Variants in ADAM8 observed in about 807,000 individuals in gnomAD.
The protein encoded by ADAM8 is disintegrin and metalloproteinase domain-containing protein 8.
ADAM8 carries 104 observed loss-of-function variants against 102.4 expected under a neutral mutation model. The observed-to-expected ratio is 1.02, with a 90% CI of 0.87 to 1.20. ADAM8 has a LOEUF of 1.20. ADAM8 is among the 50% of genes most tolerant of loss of function. The pLI is 0.00. For synonymous variants in ADAM8, 517 were observed against 485.2 expected (o/e 1.07, Z -0.86); for missense variants, 1,132 against 1,159.0 (o/e 0.98, Z 0.34).
rs866868319 is a variant in ADAM8 at position 133,268,107 on chromosome 10, G to T, written c.2075C>A (p.Pro692His). Residue 692 changes from proline to histidine, a missense_variant, in exon 20 of 23, where the codon CCC becomes CAC. By Grantham distance (77) the Pro-to-His change is moderately conservative (BLOSUM62 -2). Coordinates refer to ENST00000445355, the MANE Select transcript of ADAM8 (RefSeq NM_001109.5). ...RSRILSRNVA[P>H]KTTMGRSNPL... Reference sequence around the variant, plus strand: ...GTTGGAGCGCCCCATTGTGGTCTTGGGAGCCACGTTCCTGGGGAGGAAGCA... The same window carrying T: ...GTTGGAGCGCCCCATTGTGGTCTTGTGAGCCACGTTCCTGGGGAGGAAGCA... The T allele has an allele frequency of 5.5e-6, 7 of 1,271,464 alleles. No homozygotes were observed. In the African/African-American group the frequency reaches 9.2e-5, roughly 17 times the overall value. The allele number at this position is 1,271,464 out of a possible 1,614,324, so 78.8% of individuals were successfully genotyped here.
chr10:133,275,442 A>C, intron 2 of ADAM8, 42 bp downstream of exon 2: 1 of 1,429,876 alleles, frequency 7.0e-7, no homozygotes, highest in Non-Finnish European at 9.5e-7. Context: ...AAATAGGCTC[A>C]GGGGCCAGCC....
Position 133,271,282 on chromosome 10 carries a change from C to T in ADAM8, c.1292G>A (p.Arg431Gln), listed in dbSNP as rs773926657. ...QCDCGPPEDC[R>Q]NRCCNSTTCQ... ...GGTGGTAGAGTTGCAGCAGCGGTTC[C>T]GGCAGTCCTGGGGCGACGGCAAAGG... Residue 431 changes from arginine to glutamine, a missense_variant, in exon 13 of 23, where the codon CGG (arginine) becomes CAG (glutamine). Physicochemically the swap from Arg to Gln is conservative, Grantham distance 43 (BLOSUM62 1). Transcript: ENST00000445355. 18 of 1,610,168 alleles carry T rather than the reference C, an allele frequency of 1.1e-5. No homozygotes were observed. Among genetic ancestry groups the T allele is most frequent in the Middle Eastern group, 2.1e-4 (1 of 4,802 alleles).
At chr10:133,270,292 C>G (rs1564922625) in intron 16 of ADAM8, 68 bp downstream of exon 16, 1 of 1,531,682 alleles carries the variant, frequency 6.5e-7, no homozygotes, top group Non-Finnish European at 8.8e-7. Flanking sequence ...AGAAACGCAT[C>G]TGCACCCACG....
intron 20 of ADAM8, 82 bp from the exon 21 acceptor site, chr10:133,267,499 T>C (rs1846362171): frequency 7.3e-7 from 1 of 1,373,440 alleles, no homozygotes; most frequent in Non-Finnish European, 1.0e-6. Flanking sequence ...GGATCCGAGG[T>C]TCCTGCCTCT....
At chr10:133,264,054 T>A (rs1008930063) in intron 21 of ADAM8, among the ~76,000 whole-genome samples, 2 of 132,530 alleles carry the variant, frequency 1.5e-5, no homozygotes, top group African/African-American at 5.4e-5. Context: ...GCTTTTTTCC[T>A]TTCCTTTTTT....
intron 21 of ADAM8, among the ~76,000 whole-genome samples, chr10:133,266,608 AG>A (rs1204165926): frequency 6.6e-6 from 1 of 152,138 alleles, no homozygotes; most frequent in Non-Finnish European, 1.5e-5. Context: ...CTGAGGACAG[AG>A]GCTGCTCACA....
chr10:133,268,344 G>C (rs941543734), intron 19 of ADAM8, among the ~76,000 whole-genome samples: 1 of 152,222 alleles, frequency 6.6e-6, no homozygotes, highest in African/African-American at 2.4e-5. Flanking sequence ...ATGCTTGGAG[G>C]CTGTGGGGCC....
Position 133,263,705 on chromosome 10 carries a change from T to C in ADAM8, c.2380A>G (p.Asn794Asp). 1 of 1,565,998 alleles carries C rather than the reference T, an allele frequency of 6.4e-7. No homozygotes were observed. The highest frequency in any genetic ancestry group is 8.7e-7 in the Non-Finnish European group (1 of 1,155,432). Residue 794 changes from asparagine to aspartate, a missense_variant, in exon 22 of 23, where the codon AAC becomes GAC. Asn to Asp is a conservative substitution (Grantham distance 23). Transcript: ENST00000445355. ...GGCCTCACCTCAGCTGGACCAGGGT[T>C]GGCCGCACCAGCCCCGGGTTTGACT... ...PPVKPGAGAA[N>D]PGPAEGAVGP...
intron 10 of ADAM8, 42 bp downstream of exon 10, chr10:133,272,151 C>T: frequency 1.3e-6 from 2 of 1,542,338 alleles, no homozygotes; most frequent in Non-Finnish European, 1.8e-6. Context: ...CCCTATCCAG[C>T]TCTGGCCTCG....
intron 7 of ADAM8, 42 bp from the exon 8 acceptor site, chr10:133,272,908 C>A: frequency 1.2e-6 from 2 of 1,611,412 alleles, no homozygotes; most frequent in Admixed American, 1.7e-5. Context: ...ACACACCCCC[C>A]ATGCCCCCGC....
At position 133,271,674 on chromosome 10, in the gene ADAM8, T is replaced by C. The variant is rs1262724265; in HGVS notation, c.1138A>G (p.Ser380Gly). Residue 380 changes from serine (S) to glycine (G), a missense_variant, in exon 12 of 23, where the codon AGC becomes GGC. Ser to Gly is a moderately conservative substitution (Grantham distance 56). Transcript: ENST00000445355. ...AAAAAGCTCTCCAGGTAGGCCTGGC[T>C]GCAGTCACTGAACATCCTGGGGAAA... ...SSFPRMFSDC[S>G]QAYLESFLER... 8 of 1,570,256 alleles carry C rather than the reference T, an allele frequency of 5.1e-6. No homozygotes were observed. The highest frequency in any genetic ancestry group is 3.8e-5 in the Admixed American group (2 of 52,640).
Position 133,276,826 on chromosome 10 carries a change from C to T in ADAM8, c.-9G>A. 6.6e-7 allele frequency: 1 copy of T among 1,523,942 alleles called. No individual in the cohort carries two copies. The allele number at this position is 1,523,942 out of a possible 1,614,324, so 94.4% of individuals were successfully genotyped here. The stretch of plus-strand genomic sequence containing the variant: ...AGCCCGAGGCCGCGCATGGCCGGGT[C>T]GGGGAGCAGAGGCGGAGGTGACAGC... On this transcript the variant is annotated 5_prime_UTR_variant, in exon 1 of 23. Transcript: ENST00000445355.
Position 133,263,135 on chromosome 10 carries a change from C to T in ADAM8, c.*21G>A, listed in dbSNP as rs1272854958. ...CTCTGCCGCAACTTCTCCAAATTTC[C>T]ACACAGGCGCAGGTGCCCCCCTAGG... On this transcript the variant is annotated 3_prime_UTR_variant, in exon 23 of 23. Coordinates refer to ENST00000445355, the MANE Select transcript of ADAM8 (RefSeq NM_001109.5). 16 of 1,613,848 alleles carry T rather than the reference C, an allele frequency of 9.9e-6. No homozygotes were observed. Among genetic ancestry groups the T allele is most frequent in the Non-Finnish European group, 1.2e-5 (14 of 1,179,854 alleles).
chr10:133,270,411 A>G lies in ADAM8; in HGVS notation c.1734T>C (p.Asp578=), dbSNP rs747660235. ...VDVCHALTTE[D]GTAYEPVPEG... ...CGGGCACTGGTTCATACGCAGTGCCATCCTCTGTGGTGAGCGCGTGGCACA... is the reference window on the plus strand; with the variant it reads ...CGGGCACTGGTTCATACGCAGTGCCGTCCTCTGTGGTGAGCGCGTGGCACA... Residue 578 remains aspartate (D), a synonymous_variant, in exon 16 of 23, where the codon GAT becomes GAC. Transcript: ENST00000445355. 3 of 1,602,464 alleles carry G rather than the reference A, an allele frequency of 1.9e-6. No individual in the cohort carries two copies. In the South Asian group the frequency reaches 3.3e-5, roughly 18 times the overall value.
intron 1 of ADAM8, 179 bp from the exon 2 acceptor site, chr10:133,275,766 C>T (rs1846729188): frequency 1.9e-6 from 1 of 521,212 alleles, no homozygotes; most frequent in Non-Finnish European, 3.3e-6. Context: ...CCCAGGAGCG[C>T]CCCCAGGCAT....
In ADAM8 at chr10:133,269,674, C is replaced by G. The variant is rs535302265; in HGVS notation, c.1864-145G>C. ...CCCACATGCGCCGACGGCGAGGCCT[C>G]TCCATGTAGCCCCTGCCCGCTGCCC... On this transcript the variant is annotated intron_variant, in intron 17 of 22. Transcript: ENST00000445355. The G allele has an allele frequency of 3.1e-5, 30 of 961,168 alleles. No individual in the cohort carries two copies. In the African/African-American group the frequency reaches 4.0e-4, roughly 13 times the overall value. The allele number at this position is 961,168 out of a possible 1,614,324, so 59.5% of individuals were successfully genotyped here.
At chr10:133,271,348 G>T (rs768249278) in intron 12 of ADAM8, 59 bp from the exon 13 acceptor site, 2 of 1,556,344 alleles carry the variant, frequency 1.3e-6, no homozygotes, top group East Asian at 2.4e-5. Context: ...GCTCCAGGGC[G>T]GACCTGGCCG....
chr10:133,276,625 C>CT, intron 1 of ADAM8, 147 bp downstream of exon 1: 1 of 1,248,634 alleles, frequency 8.0e-7, no homozygotes, highest in Non-Finnish European at 1.1e-6. Flanking sequence ...CACTGTGCAC[C>CT]TGATGGCCCG....
chr10:133,269,558 C>A, intron 17 of ADAM8, 29 bp from the exon 18 acceptor site: 1 of 1,566,746 alleles, frequency 6.4e-7, no homozygotes, highest in Non-Finnish European at 8.6e-7. Flanking sequence ...TCAGGGCCAA[C>A]CCTGTTGTGG....
Sources: allele counts gnomAD v4.1 joint callset (sites outside exome capture counted in the v4.1 genomes callset), GRCh38; gene constraint gnomAD v4.1.1; transcripts MANE v1.5; gene names NCBI Gene and HGNC (gene_info 2026-07-23, HGNC 2026-07-21).